KLHL2: variants seen among roughly 807,000 people sequenced by gnomAD.
The protein encoded by KLHL2 is kelch-like protein 2.
Under a neutral mutation model 75.8 loss-of-function variants are expected in KLHL2, and 15 were observed. That is an observed-to-expected ratio of 0.20 (90% CI 0.13 to 0.30). KLHL2 has a LOEUF of 0.30. Among genes scored for constraint, KLHL2 ranks in the 10% least tolerant of loss-of-function variants. The pLI is 1.00. For missense variants in KLHL2, 381 were observed against 741.0 expected, an observed-to-expected ratio of 0.51 and a Z score of 5.64; for synonymous variants, 214 against 251.9, an observed-to-expected ratio of 0.85 and a Z score of 1.42.
chr4:165,298,500 G>A (rs190530070), intron 7 of KLHL2, among the ~76,000 whole-genome samples: 111 of 151,972 alleles, frequency 7.3e-4, no homozygotes, highest in African/African-American at 2.5e-3. Context: ...TTAGAATCCC[G>A]CTAGGAACAT....
At chr4:165,245,400 G>A (rs1361797993) in intron 4 of KLHL2, among the ~76,000 whole-genome samples, 1 of 152,082 alleles carries the variant, frequency 6.6e-6, no homozygotes, top group Non-Finnish European at 1.5e-5. Context: ...AGCTGCCCTG[G>A]GTGAACACTC....
chr4:165,212,893 A>G (rs1737291640), intron 1 of KLHL2, among the ~76,000 whole-genome samples: 1 of 152,184 alleles, frequency 6.6e-6, no homozygotes, highest in Non-Finnish European at 1.5e-5. Context: ...CTCTAGCTCC[A>G]TCTATATCTT....
Position 165,217,147 on chromosome 4 carries a change from T to G in KLHL2, c.27-2787T>G, listed in dbSNP as rs189405489. Among the ~76,000 whole-genome samples, 8 of 152,334 alleles carry G rather than the reference T, an allele frequency of 5.3e-5. No homozygotes were observed. The East Asian group carries it at 1.5e-3, about 29-fold the overall frequency. ...ATGATAGTTTTGCTAATCCTCAGTATAACATTCTTCCTTTGTTGCACCTTC... is the reference window on the plus strand; with the variant it reads ...ATGATAGTTTTGCTAATCCTCAGTAGAACATTCTTCCTTTGTTGCACCTTC... On this transcript the variant is annotated intron_variant, in intron 1 of 14. Coordinates refer to ENST00000226725, the MANE Select transcript of KLHL2 (RefSeq NM_007246.4).
chr4:165,304,130 T>C (rs1745553996), intron 8 of KLHL2, among the ~76,000 whole-genome samples: 1 of 142,114 alleles, frequency 7.0e-6, no homozygotes, highest in Admixed American at 6.9e-5. Context: ...ATCTGTCCGC[T>C]TCAGCCTCCC....
rs780029886 is a variant in KLHL2 at position 165,228,948 on chromosome 4, A to G, written c.259+35A>G. On this transcript the variant is annotated intron_variant, in intron 3 of 14. Coordinates refer to ENST00000226725, the MANE Select transcript of KLHL2 (RefSeq NM_007246.4). The stretch of plus-strand genomic sequence containing the variant: ...ATTTTAGTTATAGGCATTTTAAAAA[A>G]TGTATTCAGATCTGTGCTTTTCTTA... 20 of 1,300,386 alleles carry G rather than the reference A, an allele frequency of 1.5e-5. No homozygotes were observed. In the East Asian group the frequency reaches 2.1e-4, roughly 14 times the overall value. The allele number at this position is 1,300,386 out of a possible 1,614,324, so 80.6% of individuals were successfully genotyped here. A position where few individuals can be genotyped will look rare whatever the true frequency, so the allele number is the denominator to read the frequency against.
At chr4:165,220,255 A>G (rs928711704) in intron 2 of KLHL2, among the ~76,000 whole-genome samples, 196 bp downstream of exon 2, 2 of 152,190 alleles carry the variant, frequency 1.3e-5, no homozygotes, top group Non-Finnish European at 2.9e-5. Flanking sequence ...CTCCTCTATT[A>G]GTGTGGTAGC....
At chr4:165,257,588 T>A (rs1741290202) in intron 4 of KLHL2, among the ~76,000 whole-genome samples, 1 of 152,156 alleles carries the variant, frequency 6.6e-6, no homozygotes. Context: ...AGTGGTGGGT[T>A]GGGCAAGAAG....
chr4:165,309,122 C>T (rs1451673863), intron 9 of KLHL2, among the ~76,000 whole-genome samples: 1 of 152,066 alleles, frequency 6.6e-6, no homozygotes, highest in South Asian at 2.1e-4. Context: ...CTCAGGCTGG[C>T]ACAGGGACAT....
intron 12 of KLHL2, 117 bp downstream of exon 12, chr4:165,313,483 G>C: frequency 2.3e-6 from 2 of 867,066 alleles, no homozygotes; most frequent in African/African-American, 3.5e-5. Flanking sequence ...GCTGATTTTA[G>C]TGGCACTGCT....
Position 165,299,526 on chromosome 4 carries a change from T to G in KLHL2, c.791T>G (p.Leu264Trp). ...TTACAGAGGGTTGAAGAGGAAGCAT[T>G]GGTCAAGAATAGCAGTGCTTGCAAA... is the stretch of plus-strand genomic sequence containing the variant. ...YLVQRVEEEALVKNSSACKDY... is the reference protein window; with the variant it reads ...YLVQRVEEEAWVKNSSACKDY... Residue 264 changes from leucine (L) to tryptophan (W), a missense_variant, in exon 8 of 15, where the codon TTG becomes TGG. Transcript: ENST00000226725. 1 of 1,612,206 alleles carries G rather than the reference T, an allele frequency of 6.2e-7. No homozygotes were observed. The highest frequency in any genetic ancestry group is 8.5e-7 in the Non-Finnish European group (1 of 1,179,262).
chr4:165,223,784 G>T (rs552087728), intron 2 of KLHL2, among the ~76,000 whole-genome samples: 1 of 152,196 alleles, frequency 6.6e-6, no homozygotes, highest in Non-Finnish European at 1.5e-5. Context: ...AAGTGTGGAT[G>T]GGGGAAATTT....
intron 3 of KLHL2, among the ~76,000 whole-genome samples, chr4:165,235,409 C>T (rs1328501908): frequency 3.9e-5 from 6 of 152,200 alleles, no homozygotes; most frequent in Non-Finnish European, 8.8e-5. Context: ...CCATGTTGGC[C>T]AGGCTGGTGT....
intron 5 of KLHL2, among the ~76,000 whole-genome samples, chr4:165,271,719 T>C (rs1345194106): frequency 6.6e-6 from 1 of 152,244 alleles, no homozygotes; most frequent in Non-Finnish European, 1.5e-5. Context: ...TTCTGGAAGA[T>C]AAATCTGGTA....
chr4:165,268,309 T>A (rs1031150662), intron 5 of KLHL2, among the ~76,000 whole-genome samples: 1 of 152,198 alleles, frequency 6.6e-6, no homozygotes, highest in African/African-American at 2.4e-5. Context: ...TGTCTCTGTC[T>A]CCTTCAGTTC....
At chr4:165,292,382 G>C (rs1370435162) in intron 5 of KLHL2, among the ~76,000 whole-genome samples, 1 of 151,924 alleles carries the variant, frequency 6.6e-6, no homozygotes, top group African/African-American at 2.4e-5. Flanking sequence ...GCCCAGGCTT[G>C]GGTGCAGTGG....
chr4:165,264,754 A>G (rs867419507), intron 5 of KLHL2, among the ~76,000 whole-genome samples: 11 of 91,224 alleles, frequency 1.2e-4, no homozygotes, highest in African/African-American at 4.6e-4. Flanking sequence ...ATATATATAT[A>G]TATATATATA....
At chr4:165,283,282 A>G (rs577445465) in intron 5 of KLHL2, among the ~76,000 whole-genome samples, 212 of 152,338 alleles carry the variant, frequency 1.4e-3, no homozygotes, top group Middle Eastern at 3.4e-3. Flanking sequence ...TTATTTCAGC[A>G]TTAACTCAGA....
chr4:165,263,805 GTTTTTTTTTTTTTTT>G (rs55901119), intron 5 of KLHL2, among the ~76,000 whole-genome samples: 1 of 66,482 alleles, frequency 1.5e-5, no homozygotes, highest in Non-Finnish European at 2.7e-5. Context: ...TTTTTACATT[GTTTTTTTTTTTTTTT>G]TTTTTTTTTG....
intron 2 of KLHL2, among the ~76,000 whole-genome samples, chr4:165,228,228 T>C (rs567265584): frequency 6.6e-6 from 1 of 152,390 alleles, no homozygotes; most frequent in Admixed American, 6.5e-5. Context: ...TTAGATGTAA[T>C]ATTTTCTGGC....
Sources: allele counts gnomAD v4.1 joint callset (sites outside exome capture counted in the v4.1 genomes callset), GRCh38; gene constraint gnomAD v4.1.1; transcripts MANE v1.5; gene names NCBI Gene and HGNC (gene_info 2026-07-23, HGNC 2026-07-21).